DLC1: variants seen among roughly 807,000 people sequenced by gnomAD.
The protein encoded by DLC1 is DLC1 Rho GTPase activating protein, also known as rho GTPase-activating protein 7.
A neutral mutation model predicts 140.3 loss-of-function variants in DLC1; 54 were observed. The ratio of observed to expected loss-of-function variants is 0.38; its 90% CI spans 0.31 to 0.48. The LOEUF (loss-of-function observed/expected upper bound fraction) is 0.48, where lower values mean the gene tolerates loss of function less well. Among genes scored for constraint, DLC1 ranks in the 20% least tolerant of loss-of-function variants. The pLI, the probability that DLC1 is intolerant of heterozygous loss-of-function variation, is 0.96. For missense variants in DLC1, 2,536 were observed against 1,907.0 expected (o/e 1.33, Z -6.14); for synonymous variants, 986 against 728.1 (o/e 1.35, Z -5.70).
chr8:13,405,136 T>G (rs209072), intron 2 of DLC1, among the ~76,000 whole-genome samples: 93,590 of 151,790 alleles, frequency 0.62, 29,278 homozygotes, highest in East Asian at 0.81. Flanking sequence ...TTATTATAAT[T>G]AACATATTTT....
chr8:13,134,887 G>T (rs1822434694), intron 5 of DLC1, among the ~76,000 whole-genome samples: 1 of 152,156 alleles, frequency 6.6e-6, no homozygotes, highest in African/African-American at 2.4e-5. Flanking sequence ...GGACTCCTCC[G>T]TTCAACAGAT....
intron 5 of DLC1, among the ~76,000 whole-genome samples, chr8:13,204,681 A>T (rs186543262): frequency 6.6e-6 from 1 of 152,330 alleles, no homozygotes; most frequent in East Asian, 1.9e-4. Flanking sequence ...GGCAAATAAA[A>T]TGCTGTATTT....
chr8:13,481,910 A>C (rs1364711426), intron 2 of DLC1, among the ~76,000 whole-genome samples: 2 of 152,216 alleles, frequency 1.3e-5, no homozygotes, highest in African/African-American at 2.4e-5. Flanking sequence ...CCATGTCAAC[A>C]TAAAGGCCTA....
At chr8:13,468,880 G>A (rs1800075775) in intron 2 of DLC1, among the ~76,000 whole-genome samples, 1 of 143,090 alleles carries the variant, frequency 7.0e-6, no homozygotes, top group Non-Finnish European at 1.5e-5. Flanking sequence ...GAGTGCAGTG[G>A]TGCAATCTTG....
chr8:13,576,434 A>G (rs1477783285), intron 1 of DLC1, among the ~76,000 whole-genome samples: 3 of 152,218 alleles, frequency 2.0e-5, no homozygotes, highest in Non-Finnish European at 4.4e-5. Flanking sequence ...ATAAATAGGC[A>G]TCAGTAAAAT....
chr8:13,576,559 A>T (rs1804844135), intron 1 of DLC1, among the ~76,000 whole-genome samples: 1 of 152,232 alleles, frequency 6.6e-6, no homozygotes, highest in Admixed American at 6.5e-5. Context: ...GTGGGTTCTG[A>T]GAGAGTCGAT....
chr8:13,099,410 T>A lies in DLC1; in HGVS notation c.2927A>T (p.Glu976Val). 1 of 1,614,044 alleles carries A rather than the reference T, an allele frequency of 6.2e-7. No homozygotes were observed. Among genetic ancestry groups the A allele is most frequent in the Non-Finnish European group, 8.5e-7 (1 of 1,179,982 alleles). The change falls in exon 9 of 18, where the codon GAG (glutamate) becomes GTG (valine). Residue 976 changes from glutamate (E) to valine (V), a missense_variant. Coordinates refer to ENST00000276297, the MANE Select transcript of DLC1 (RefSeq NM_182643.3). ...CCTTCTTTCCGGGATCTCGGAGGGC[T>A]CTTCCGGTTCATTCAGGGAGTTGCC... ...STGNSLNEPE[E>V]PSEIPERRDS...
chr8:13,381,297 C>A (rs896349104), intron 4 of DLC1, among the ~76,000 whole-genome samples: 2 of 152,102 alleles, frequency 1.3e-5, no homozygotes, highest in Non-Finnish European at 2.9e-5. Context: ...AAAGTGTTCA[C>A]GTATCTCTAC....
At chr8:13,409,869 T>C (rs1837713669) in intron 2 of DLC1, among the ~76,000 whole-genome samples, 1 of 152,152 alleles carries the variant, frequency 6.6e-6, no homozygotes, top group Non-Finnish European at 1.5e-5. Context: ...TAGAATTTGG[T>C]ACATGATTTA....
intron 5 of DLC1, among the ~76,000 whole-genome samples, chr8:13,126,766 G>A (rs1008197135): frequency 7.2e-5 from 11 of 152,112 alleles, no homozygotes; most frequent in African/African-American, 2.4e-4. Flanking sequence ...CTTATTCTAC[G>A]AGGGGCATCT....
chr8:13,546,531 A>G (rs972669754), intron 1 of DLC1, among the ~76,000 whole-genome samples: 4 of 152,192 alleles, frequency 2.6e-5, no homozygotes, highest in Non-Finnish European at 5.9e-5. Flanking sequence ...GTCACCTTCC[A>G]GATGTCTTAT....
chr8:13,458,262 C>G (rs910237407), intron 2 of DLC1, among the ~76,000 whole-genome samples: 3 of 152,076 alleles, frequency 2.0e-5, no homozygotes, highest in Non-Finnish European at 4.4e-5. Flanking sequence ...TTTGATGGAG[C>G]AATTTTGGCA....
intron 5 of DLC1, among the ~76,000 whole-genome samples, chr8:13,160,633 A>G (rs1017595763): frequency 8.5e-5 from 13 of 152,130 alleles, no homozygotes; most frequent in African/African-American, 3.1e-4. Context: ...CACCAGAATG[A>G]TTTGGCTTCT....
intron 2 of DLC1, among the ~76,000 whole-genome samples, chr8:13,473,128 C>T (rs1373757978): frequency 6.6e-6 from 1 of 152,012 alleles, no homozygotes; most frequent in Non-Finnish European, 1.5e-5. Flanking sequence ...GAAGAGACAC[C>T]CAGTGTTCAG....
intron 5 of DLC1, among the ~76,000 whole-genome samples, chr8:13,206,507 C>T (rs913356953): frequency 6.6e-6 from 1 of 151,904 alleles, no homozygotes; most frequent in Non-Finnish European, 1.5e-5. Flanking sequence ...GGAAGAAAGA[C>T]CAATGAGGTG....
chr8:13,403,637 T>G (rs927003855), intron 2 of DLC1, among the ~76,000 whole-genome samples: 2 of 152,030 alleles, frequency 1.3e-5, no homozygotes, highest in Admixed American at 1.3e-4. Flanking sequence ...CTCCCTTCCT[T>G]CCTTTTTTCC....
intron 2 of DLC1, among the ~76,000 whole-genome samples, chr8:13,463,607 A>G (rs183998786): frequency 6.6e-6 from 1 of 152,212 alleles, no homozygotes; most frequent in Non-Finnish European, 1.5e-5. Flanking sequence ...AAATAGACAC[A>G]AGAATTCTTT....
In DLC1 at chr8:13,361,234, A is replaced by G. The variant is rs180976182; in HGVS notation, c.1314+32319T>C. On this transcript the variant is annotated intron_variant, in intron 4 of 17. Coordinates refer to ENST00000276297, the MANE Select transcript of DLC1 (RefSeq NM_182643.3). ...GCGACGGAGTGAGACCTTGTCTCAG[A>G]AAAACAATACAAAACAAAACGAGAG... 2.6e-4 allele frequency among the ~76,000 whole-genome samples: 39 copies of G among 152,198 alleles called. No individual in the cohort carries two copies. In the East Asian group the frequency reaches 6.4e-3, roughly 25 times the overall value.
At chr8:13,278,734 G>A (rs766425578) in intron 5 of DLC1, among the ~76,000 whole-genome samples, 2 of 152,102 alleles carry the variant, frequency 1.3e-5, no homozygotes, top group Non-Finnish European at 2.9e-5. Flanking sequence ...GACTATAATG[G>A]TAGGAAGCTT....
Sources: allele counts gnomAD v4.1 joint callset (sites outside exome capture counted in the v4.1 genomes callset), GRCh38; gene constraint gnomAD v4.1.1; transcripts MANE v1.5; gene names NCBI Gene and HGNC (gene_info 2026-07-23, HGNC 2026-07-21).